Variants in NGRN observed in about 807,000 individuals in gnomAD.
The protein encoded by NGRN is neugrin, neurite outgrowth associated.
NGRN carries 12 observed loss-of-function variants against 13.1 expected under a neutral mutation model. The ratio of observed to expected loss-of-function variants is 0.92; its 90% CI spans 0.59 to 1.49. The LOEUF is 1.49. NGRN is among the 40% of genes most tolerant of loss of function. The pLI is 0.00. For missense variants in NGRN, 397 were observed against 357.0 expected (o/e 1.11, Z -0.90); for synonymous variants, 149 against 145.8 (o/e 1.02, Z -0.16).
Position 90,271,639 on chromosome 15 carries a change from A to C in NGRN, c.727A>C (p.Ser243Arg). The C allele has an allele frequency of 2.5e-6, 4 of 1,614,186 alleles. No homozygotes were observed. Among genetic ancestry groups the C allele is most frequent in the Non-Finnish European group, 3.4e-6 (4 of 1,180,046 alleles). Residue 243 changes from serine to arginine, a missense_variant, in exon 3 of 3, where the codon AGC (serine) becomes CGC (arginine). Transcript: ENST00000379095. ...ELQKYSSDSE[S>R]PRGTGSGALP... Reference sequence around the variant, plus strand: ...GCAGAAGTACTCCAGTGATTCTGAGAGCCCCAGAGGAACTGGCAGTGGTGC... The same window carrying C: ...GCAGAAGTACTCCAGTGATTCTGAGCGCCCCAGAGGAACTGGCAGTGGTGC...
chr15:90,269,160 TA>T (rs1963470476), intron 2 of NGRN, among the ~76,000 whole-genome samples: 1 of 129,564 alleles, frequency 7.7e-6, no homozygotes, highest in African/African-American at 3.2e-5. Flanking sequence ...TATACCTGGC[TA>T]ATTTTTTTTT....
intron 2 of NGRN, among the ~76,000 whole-genome samples, chr15:90,267,316 G>T (rs1347750564): frequency 6.6e-6 from 1 of 152,114 alleles, no homozygotes; most frequent in Non-Finnish European, 1.5e-5. Context: ...ACAGGCATGA[G>T]CCACTGTGTG....
At chr15:90,267,202 T>C (rs1465528333) in intron 2 of NGRN, among the ~76,000 whole-genome samples, 13 of 151,846 alleles carry the variant, frequency 8.6e-5, no homozygotes, top group Admixed American at 7.9e-4. Context: ...TGGTTAATTT[T>C]GTTTATTTTT....
intron 2 of NGRN, among the ~76,000 whole-genome samples, chr15:90,266,616 G>A (rs1963427540): frequency 1.3e-5 from 2 of 152,124 alleles, no homozygotes; most frequent in African/African-American, 2.4e-5. Context: ...TAAAGAGACG[G>A]GGTTTCGCTA....
rs753424795 is a variant in NGRN, at chr15:90,271,412, A to C, written c.500A>C (p.His167Pro). The change falls in exon 3 of 3, where the codon CAC (histidine) becomes CCC (proline). Residue 167 changes from histidine to proline, a missense_variant. Coordinates refer to ENST00000379095, the MANE Select transcript of NGRN (RefSeq NM_001033088.3). The part of the protein sequence containing the change: ...GNTSKLLPAG[H>P]SVSGSLLMPG... ...ACCTCAAAGCTGCTCCCTGCAGGCC[A>C]CTCTGTATCAGGCTCTTTGCTTATG... 2.5e-5 allele frequency: 41 copies of C among 1,613,962 alleles called. No homozygotes were observed. The highest frequency in any genetic ancestry group is 2.5e-5 in the Non-Finnish European group (30 of 1,179,966).
intron 1 of NGRN, 50 bp downstream of exon 1, chr15:90,265,926 G>A: frequency 4.2e-6 from 6 of 1,437,568 alleles, no homozygotes; most frequent in Non-Finnish European, 5.5e-6. Flanking sequence ...CTCGTGCCCC[G>A]GCGCTCCAGG....
intron 2 of NGRN, among the ~76,000 whole-genome samples, chr15:90,270,105 A>G (rs1365407384): frequency 2.0e-5 from 3 of 152,090 alleles, no homozygotes; most frequent in Admixed American, 6.5e-5. Context: ...CCTGTTTCCC[A>G]GGCTGGTCTC....
chr15:90,269,013 T>G (rs1963468414), intron 2 of NGRN, among the ~76,000 whole-genome samples: 1 of 140,010 alleles, frequency 7.1e-6, no homozygotes, highest in African/African-American at 2.6e-5. Context: ...TTTTTTTTTT[T>G]TGAGACGGAG....
At position 90,271,898 on chromosome 15, in the gene NGRN, G is replaced by A; in HGVS notation, c.*110G>A. 6.9e-7 allele frequency: 1 copy of A among 1,446,618 alleles called. No individual in the cohort carries two copies. The highest frequency in any genetic ancestry group is 2.2e-4 in the Middle Eastern group (1 of 4,494). 89.6% of individuals were successfully genotyped at this position (1,446,618 alleles called of 1,614,324 possible). A position where few individuals can be genotyped will look rare whatever the true frequency, so the allele number is the denominator to read the frequency against. On this transcript the variant is annotated 3_prime_UTR_variant, in exon 3 of 3. Transcript: ENST00000379095. ...TGGATAAGCCACCTTGGAATAGGAA[G>A]AGGTGTTGAGCCTGGACTGTGGGAG...
At position 90,271,549 on chromosome 15, in the gene NGRN, G is replaced by T. The variant is rs202223531; in HGVS notation, c.637G>T (p.Glu213Ter). ...AAGGAGAAGGAAGGGAAGAAATAAAGAAATCCAGGACCTGGAGGAGAGCTT... is the reference window on the plus strand; with the variant it reads ...AAGGAGAAGGAAGGGAAGAAATAAATAAATCCAGGACCTGGAGGAGAGCTT... Reference protein sequence around the residue: ...TPRRRKGRNKEIQDLEESFVP... With the variant: ...TPRRRKGRNK Residue 213 changes from glutamate to a stop codon, truncating the protein, a stop_gained, in exon 3 of 3, where the codon GAA becomes TAA. Transcript: ENST00000379095. LOFTEE classifies it low-confidence loss of function (END_TRUNC). 10 of 1,614,062 alleles carry T rather than the reference G, an allele frequency of 6.2e-6. No individual in the cohort carries two copies. Among genetic ancestry groups the T allele is most frequent in the East Asian group, 2.2e-5 (1 of 44,878 alleles).
chr15:90,265,791 G>A lies in NGRN; in HGVS notation c.79G>A (p.Val27Met), dbSNP rs750865918. The A allele has an allele frequency of 1.6e-5, 25 of 1,612,520 alleles. No homozygotes were observed. The African/African-American group carries it at 2.7e-4, about 17-fold the overall frequency. Residue 27 changes from valine to methionine, a missense_variant, in exon 1 of 3, where the codon GTG (valine) becomes ATG (methionine). Transcript: ENST00000379095. ...VTRCGFATRG[V>M]AGPGPIGREP... ...TCGCTGTGGGTTCGCGACCCGGGGG[G>A]TGGCGGGCCCAGGCCCTATTGGCCG...
intron 2 of NGRN, among the ~76,000 whole-genome samples, chr15:90,268,396 A>G (rs1261693092): frequency 3.3e-5 from 5 of 149,994 alleles, no homozygotes; most frequent in East Asian, 1.9e-4. Context: ...TTAAGAGGAA[A>G]AAAAAAAAAC....
chr15:90,271,126 G>C (rs1336248507), intron 2 of NGRN, 62 bp from the exon 3 acceptor site: 6 of 1,552,926 alleles, frequency 3.9e-6, no homozygotes, highest in Non-Finnish European at 5.2e-6. Flanking sequence ...TAGGTATTGC[G>C]AGTTAGATGT....
intron 2 of NGRN, among the ~76,000 whole-genome samples, chr15:90,269,162 A>ATT (rs34266380): frequency 1.4e-3 from 123 of 89,620 alleles, no homozygotes; most frequent in African/African-American, 5.9e-3. Flanking sequence ...TACCTGGCTA[A>ATT]TTTTTTTTTT....
chr15:90,268,976 T>C (rs1364790588), intron 2 of NGRN, among the ~76,000 whole-genome samples: 1 of 104,606 alleles, frequency 9.6e-6, no homozygotes, highest in African/African-American at 3.6e-5. Context: ...TATTTATTGA[T>C]TGACACTGAT....
intron 2 of NGRN, 85 bp downstream of exon 2, chr15:90,266,483 T>TA (rs1271524930): frequency 4.1e-6 from 4 of 979,254 alleles, no homozygotes; most frequent in Non-Finnish European, 6.1e-6. Flanking sequence ...GCTTTTTTGA[T>TA]ACTGCTTTTA....
chr15:90,266,169 C>T (rs372823397), intron 1 of NGRN, 119 bp from the exon 2 acceptor site: 4 of 1,477,670 alleles, frequency 2.7e-6, no homozygotes, highest in Non-Finnish European at 3.6e-6. Context: ...GGCAACATGG[C>T]CCGGTTGCCC....
Position 90,271,268 on chromosome 15 carries a change from G to A in NGRN, c.356G>A (p.Arg119Gln), listed in dbSNP as rs1362172004. The A allele has an allele frequency of 8.1e-6, 13 of 1,614,110 alleles. No individual in the cohort carries two copies. The highest frequency in any genetic ancestry group is 5.5e-5 in the South Asian group (5 of 91,082). The change falls in exon 3 of 3, where the codon CGA becomes CAA. Residue 119 changes from arginine to glutamine, a missense_variant. Physicochemically the swap from Arg to Gln is conservative, Grantham distance 43. Transcript: ENST00000379095. ...EGFDVSTDVI[R>Q]RVLKSKFLPT... Reference sequence around the variant, plus strand: ...TTTGATGTCAGCACTGATGTGATCCGAAGAGTTTTAAAAAGCAAGTTTTTA... The same window carrying A: ...TTTGATGTCAGCACTGATGTGATCCAAAGAGTTTTAAAAAGCAAGTTTTTA...
At position 90,266,391 on chromosome 15, in the gene NGRN, CAGATACGGTG is replaced by C. The variant is rs755416585; in HGVS notation, c.272_275+6del. Reference sequence around the variant, plus strand: ...GACCCTGACGTGGGAAGCCATGGAGCAGATACGGTGAGACTCAGGATACCTTGTTTGTATC... The same window carrying C: ...GACCCTGACGTGGGAAGCCATGGAGCAGACTCAGGATACCTTGTTTGTATC... On this transcript the variant is annotated splice_donor_variant and splice_donor_region_variant and coding_sequence_variant and intron_variant, in exon 2 of 3. Transcript: ENST00000379095. LOFTEE classifies it high-confidence loss of function. The C allele has an allele frequency of 6.2e-7, 1 of 1,612,450 alleles. No homozygotes were observed. Among genetic ancestry groups the C allele is most frequent in the South Asian group, 1.1e-5 (1 of 90,764 alleles).
Sources: allele counts gnomAD v4.1 joint callset (sites outside exome capture counted in the v4.1 genomes callset), GRCh38; gene constraint gnomAD v4.1.1; transcripts MANE v1.5; gene names NCBI Gene and HGNC (gene_info 2026-07-23, HGNC 2026-07-21).